The following TJP1 variants were observed in gnomAD, a reference collection of about 807,000 sequenced individuals.
TJP1 encodes the protein tight junction protein ZO-1.
Under a neutral mutation model 194.2 loss-of-function variants are expected in TJP1, and 43 were observed. That is an observed-to-expected ratio of 0.22 (90% CI 0.17 to 0.29). The LOEUF (loss-of-function observed/expected upper bound fraction) is 0.29, where lower values mean the gene tolerates loss of function less well. TJP1 is among the 10% of genes least tolerant of loss of function. TJP1 has a pLI of 1.00. For synonymous variants in TJP1, 801 were observed against 779.0 expected (o/e 1.03, Z -0.47); for missense variants, 1,971 against 2,185.7 (o/e 0.90, Z 1.96).
chr15:29,769,756 T>C (rs528359171), intron 4 of TJP1, among the ~76,000 whole-genome samples: 10 of 152,194 alleles, frequency 6.6e-5, no homozygotes, highest in Admixed American at 2.6e-4. Flanking sequence ...GATGCTGGTG[T>C]AAACAAAGCT....
chr15:29,745,462 T>C (rs2044709096), intron 8 of TJP1, among the ~76,000 whole-genome samples: 1 of 152,170 alleles, frequency 6.6e-6, no homozygotes, highest in Non-Finnish European at 1.5e-5. Context: ...TTAAACATTC[T>C]AAAACTTTAG....
intron 2 of TJP1, among the ~76,000 whole-genome samples, chr15:29,940,448 C>G (rs1174472423): frequency 6.6e-6 from 1 of 152,154 alleles, no homozygotes; most frequent in African/African-American, 2.4e-5. Context: ...ATTTTTCATT[C>G]TAATGCTCAG....
chr15:29,936,901 G>A (rs147285974), intron 2 of TJP1, among the ~76,000 whole-genome samples: 36 of 152,228 alleles, frequency 2.4e-4, no homozygotes, highest in Admixed American at 7.2e-4. Context: ...AGCTCGGCGC[G>A]TTTACCCTGG....
chr15:29,924,865 C>T (rs868293004), intron 2 of TJP1, among the ~76,000 whole-genome samples: 6 of 152,228 alleles, frequency 3.9e-5, no homozygotes, highest in African/African-American at 9.6e-5. Flanking sequence ...CTGGTAGGGG[C>T]TAGGCCCACG....
At chr15:29,912,193 C>T (rs1263802998) in intron 2 of TJP1, among the ~76,000 whole-genome samples, 1 of 152,142 alleles carries the variant, frequency 6.6e-6, no homozygotes, top group East Asian at 1.9e-4. Flanking sequence ...GGGCACTAAG[C>T]CCATTCATGA....
intron 2 of TJP1, among the ~76,000 whole-genome samples, chr15:29,848,331 C>A (rs537161785): frequency 2.6e-4 from 40 of 152,228 alleles, no homozygotes; most frequent in Admixed American, 1.5e-3. Flanking sequence ...TAATTGTGGG[C>A]TTGTCTAGGT....
At chr15:29,944,851 C>A (rs1245807657) in intron 2 of TJP1, among the ~76,000 whole-genome samples, 2 of 152,142 alleles carry the variant, frequency 1.3e-5, no homozygotes, top group Non-Finnish European at 2.9e-5. Flanking sequence ...ATATTTCATT[C>A]TTTTGTTGAT....
At chr15:29,851,340 T>C (rs907736543) in intron 2 of TJP1, among the ~76,000 whole-genome samples, 2 of 151,008 alleles carry the variant, frequency 1.3e-5, no homozygotes, top group African/African-American at 4.9e-5. Flanking sequence ...AACCAAATAC[T>C]ATAGGCAATT....
Position 29,803,517 on chromosome 15 carries a change from C to T in TJP1, c.28-2815G>A, listed in dbSNP as rs540970915. 3.9e-5 allele frequency among the ~76,000 whole-genome samples: 6 copies of T among 152,210 alleles called. No individual in the cohort carries two copies. The South Asian group carries it at 6.2e-4, about 16-fold the overall frequency. ...TTGGGTGTATTAAATGCATTTTTGA[C>T]GTAAAGTATTTTCAACTTACGATGA... is the stretch of plus-strand genomic sequence containing the variant. On this transcript the variant is annotated intron_variant, in intron 1 of 27. Transcript: ENST00000614355.
intron 2 of TJP1, among the ~76,000 whole-genome samples, chr15:29,871,310 T>C (rs2052509669): frequency 6.6e-6 from 1 of 152,288 alleles, no homozygotes; most frequent in East Asian, 1.9e-4. Flanking sequence ...CGTGCAAACG[T>C]TATAAAATGG....
chr15:29,953,796 G>C (rs116721775), intron 2 of TJP1, among the ~76,000 whole-genome samples: 165 of 152,240 alleles, frequency 1.1e-3, no homozygotes, highest in African/African-American at 3.8e-3. Context: ...GCAGAAATTA[G>C]ACTTCATTAA....
chr15:29,793,394 C>A (rs1319086420), intron 2 of TJP1, among the ~76,000 whole-genome samples: 1 of 152,096 alleles, frequency 6.6e-6, no homozygotes, highest in East Asian at 1.9e-4. Flanking sequence ...TGTGATGTAT[C>A]GCATTTACAG....
intron 2 of TJP1, among the ~76,000 whole-genome samples, chr15:29,863,168 C>A (rs944369679): frequency 1.3e-5 from 2 of 151,818 alleles, no homozygotes; most frequent in African/African-American, 4.8e-5. Context: ...TGGTGGCAGG[C>A]ACCTGTAATC....
chr15:29,907,206 G>A (rs768644858), intron 2 of TJP1, among the ~76,000 whole-genome samples: 4 of 151,938 alleles, frequency 2.6e-5, no homozygotes, highest in Admixed American at 1.3e-4. Flanking sequence ...TCAGGAGATC[G>A]AGACCATCCT....
chr15:29,840,145 T>G (rs1028760007), intron 2 of TJP1, among the ~76,000 whole-genome samples: 2 of 152,196 alleles, frequency 1.3e-5, no homozygotes, highest in Admixed American at 1.3e-4. Context: ...TGCAAGGACT[T>G]TGTTGAATAT....
intron 2 of TJP1, among the ~76,000 whole-genome samples, chr15:29,938,114 C>T (rs1019172682): frequency 6.6e-6 from 1 of 152,188 alleles, no homozygotes; most frequent in Non-Finnish European, 1.5e-5. Flanking sequence ...AAGGTTAAAA[C>T]AGGTTTTTAA....
chr15:29,779,942 A>AAAACAAAC (rs145086594), intron 2 of TJP1, among the ~76,000 whole-genome samples: 9 of 151,484 alleles, frequency 5.9e-5, no homozygotes, highest in African/African-American at 1.9e-4. Flanking sequence ...GCCATATTCT[A>AAAACAAAC]AAACAAACAA....
At chr15:29,767,756 A>G (rs1205304545) in intron 4 of TJP1, among the ~76,000 whole-genome samples, 1 of 151,672 alleles carries the variant, frequency 6.6e-6, no homozygotes, top group Non-Finnish European at 1.5e-5. Context: ...CTCCCCTCCT[A>G]AATTTTTTCA....
intron 2 of TJP1, among the ~76,000 whole-genome samples, chr15:29,792,515 T>A (rs1247972978): frequency 6.6e-6 from 1 of 152,218 alleles, no homozygotes. Context: ...TCACATAATG[T>A]ATGTAATGTG....
Sources: allele counts gnomAD v4.1 joint callset (sites outside exome capture counted in the v4.1 genomes callset), GRCh38; gene constraint gnomAD v4.1.1; transcripts MANE v1.5; gene names NCBI Gene and HGNC (gene_info 2026-07-23, HGNC 2026-07-21).